The following ARID3A variants were observed in gnomAD, a reference collection of about 807,000 sequenced individuals.
ARID3A encodes AT-rich interactive domain-containing protein 3A.
In ARID3A, 11 loss-of-function variants were observed where a neutral mutation model predicts 52.7. That is an observed-to-expected ratio of 0.21 (90% CI 0.13 to 0.35). The LOEUF is 0.35. Ranked by LOEUF, ARID3A falls within the 10% of genes least tolerant of loss-of-function variation. ARID3A has a pLI of 1.00. For synonymous variants in ARID3A, 404 were observed against 359.4 expected, an observed-to-expected ratio of 1.12 and a Z score of -1.40; for missense variants, 721 against 838.5, an observed-to-expected ratio of 0.86 and a Z score of 1.73.
At position 975,479 on chromosome 19, in the gene ARID3A, T is replaced by C. The variant is rs2038360512; in HGVS notation, c.*3414T>C. 1 of 226,232 alleles carries C rather than the reference T, an allele frequency of 4.4e-6. No homozygotes were observed. 14.0% of individuals were successfully genotyped at this position (226,232 alleles called of 1,614,324 possible). A position where few individuals can be genotyped will look rare whatever the true frequency, so the allele number is the denominator to read the frequency against. On this transcript the variant is annotated 3_prime_UTR_variant, in exon 9 of 9. Transcript: ENST00000263620. ...TTTTTTCCCCAATTGTGCTTTTGCA[T>C]TTTTTTCCTTGGCAAATGTAAACTC...
At chr19:969,666 CATAGAT>C (rs1272468035) in intron 8 of ARID3A, among the ~76,000 whole-genome samples, 3 of 9,352 alleles carry the variant, frequency 3.2e-4, no homozygotes, top group East Asian at 4.0e-3. Context: ...TCTATATCTA[CATAGAT>C]ATATATATAT....
At position 944,425 on chromosome 19, in the gene ARID3A, C is replaced by T. The variant is rs542926336; in HGVS notation, c.693+11683C>T. ...GAGTGTCGGTGGGGGCGGTCCCACA[C>T]GGCCATGGTTTGTGTCTGCCACGGC... is the stretch of plus-strand genomic sequence containing the variant. On this transcript the variant is annotated intron_variant, in intron 3 of 8. Transcript: ENST00000263620. The surrounding 1 kb of genome is among the most constrained non-coding windows in gnomAD (Gnocchi z 5.9). Among the ~76,000 whole-genome samples, 1 of 152,114 alleles carries T rather than the reference C, an allele frequency of 6.6e-6. No individual in the cohort carries two copies. The highest frequency in any genetic ancestry group is 1.9e-4 in the East Asian group (1 of 5,178).
intron 4 of ARID3A, among the ~76,000 whole-genome samples, chr19:961,336 A>G: frequency 6.6e-6 from 1 of 152,040 alleles, no homozygotes; most frequent in Non-Finnish European, 1.5e-5. Flanking sequence ...CCTGGCCCAC[A>G]CTGCCCAGCG....
chr19:968,555 T>C, intron 8 of ARID3A, 52 bp downstream of exon 8: 1 of 1,564,152 alleles, frequency 6.4e-7, no homozygotes, highest in African/African-American at 1.4e-5. Flanking sequence ...CCCGCCGCCG[T>C]GAACTCAGGA....
chr19:971,121 G>A (rs1392755588), intron 8 of ARID3A, among the ~76,000 whole-genome samples: 1 of 152,216 alleles, frequency 6.6e-6, no homozygotes, highest in Non-Finnish European at 1.5e-5. Context: ...AAACACACGT[G>A]TGTGCTCACG....
At chr19:958,427 CAAAAAAAA>C (rs35996712) in intron 3 of ARID3A, among the ~76,000 whole-genome samples, 2 of 85,940 alleles carry the variant, frequency 2.3e-5, no homozygotes, top group East Asian at 3.1e-4. Flanking sequence ...GACTCCATCT[CAAAAAAAA>C]AAAAAAAAAA....
intron 3 of ARID3A, among the ~76,000 whole-genome samples, chr19:949,741 A>G (rs556597378): frequency 2.0e-4 from 29 of 144,296 alleles, no homozygotes; most frequent in African/African-American, 7.0e-4. Context: ...CAGTGGTGCG[A>G]TCTGAGCTCA....
At chr19:966,889 C>A in intron 7 of ARID3A, 21 bp downstream of exon 7, 1 of 1,583,482 alleles carries the variant, frequency 6.3e-7, no homozygotes, top group Non-Finnish European at 8.6e-7. Flanking sequence ...CGTGCCCAGA[C>A]CCGCTGTGCT....
At chr19:954,829 G>A (rs1259039983) in intron 3 of ARID3A, among the ~76,000 whole-genome samples, 1 of 152,088 alleles carries the variant, frequency 6.6e-6, no homozygotes, top group Non-Finnish European at 1.5e-5. Context: ...GGGCTGATGG[G>A]GGGCGGTGGG....
chr19:946,500 T>G (rs10406843), intron 3 of ARID3A, among the ~76,000 whole-genome samples: 24,228 of 128,192 alleles, frequency 0.19, 2,470 homozygotes, highest in East Asian at 0.29. Context: ...GAGTGCGGTG[T>G]CGCGGTCTTG....
Position 973,835 on chromosome 19 carries a change from G to C in ARID3A, c.*1770G>C, listed in dbSNP as rs1568378858. 4.4e-6 allele frequency: 1 copy of C among 229,598 alleles called. No homozygotes were observed. The highest frequency in any genetic ancestry group is 8.6e-6 in the Non-Finnish European group (1 of 115,836). The allele number at this position is 229,598 out of a possible 1,614,324, so 14.2% of individuals were successfully genotyped here. ...AAAGTGGGGTCACCGCAGCTGAGCT[G>C]GGGGGTTATTTTGGCTGGAGCTGCT... is the stretch of plus-strand genomic sequence containing the variant. On this transcript the variant is annotated 3_prime_UTR_variant, in exon 9 of 9. Coordinates refer to ENST00000263620, the MANE Select transcript of ARID3A (RefSeq NM_005224.3).
intron 8 of ARID3A, among the ~76,000 whole-genome samples, chr19:970,456 A>AC (rs1260000422): frequency 6.9e-6 from 1 of 145,918 alleles, no homozygotes; most frequent in East Asian, 2.0e-4. Context: ...AACACAGAAG[A>AC]CCCCATCTCT....
In ARID3A at chr19:942,777, C is replaced by T. The variant is rs1201728473; in HGVS notation, c.693+10035C>T. ...CCCAGATTCCATGCCCAGCAGCCTC[C>T]TCTGCCACCCTCAGAGACGGAGAAC... On this transcript the variant is annotated intron_variant, in intron 3 of 8. Coordinates refer to ENST00000263620, the MANE Select transcript of ARID3A (RefSeq NM_005224.3). The surrounding 1 kb of genome is among the most constrained non-coding windows in gnomAD (Gnocchi z 8.1). Among the ~76,000 whole-genome samples, 2 of 152,230 alleles carry T rather than the reference C, an allele frequency of 1.3e-5. No individual in the cohort carries two copies. The highest frequency in any genetic ancestry group is 4.8e-5 in the African/African-American group (2 of 41,466).
chr19:940,214 G>A (rs1599392992), intron 3 of ARID3A, among the ~76,000 whole-genome samples: 2 of 152,218 alleles, frequency 1.3e-5, no homozygotes, highest in Middle Eastern at 3.4e-3. Flanking sequence ...CCAACTTTTT[G>A]GCTTCCCTGG....
chr19:966,138 G>A (rs1275534825), intron 6 of ARID3A, among the ~76,000 whole-genome samples: 1 of 149,720 alleles, frequency 6.7e-6, no homozygotes, highest in Non-Finnish European at 1.5e-5. Flanking sequence ...TCCAGCCTAA[G>A]CAACAGAGCG....
chr19:950,852 C>T (rs2037790302), intron 3 of ARID3A, among the ~76,000 whole-genome samples: 2 of 151,572 alleles, frequency 1.3e-5, no homozygotes, highest in Non-Finnish European at 2.9e-5. Flanking sequence ...GGTGGAGTTT[C>T]ACTCTTGTTT....
chr19:956,230 C>T (rs917905160), intron 3 of ARID3A, among the ~76,000 whole-genome samples: 4 of 152,202 alleles, frequency 2.6e-5, no homozygotes, highest in Admixed American at 2.6e-4. Flanking sequence ...AGGCGTTTCC[C>T]TGGCAAGCTC....
At chr19:940,596 C>G (rs1282672320) in intron 3 of ARID3A, among the ~76,000 whole-genome samples, 2 of 152,142 alleles carry the variant, frequency 1.3e-5, no homozygotes, top group Non-Finnish European at 2.9e-5. Context: ...GGAGAATTTT[C>G]CCAGCACAGG....
chr19:969,839 T>C (rs1207098853), intron 8 of ARID3A, among the ~76,000 whole-genome samples: 1,854 of 151,024 alleles, frequency 0.012, 42 homozygotes, highest in African/African-American at 0.042. Context: ...CAGGCGTGTG[T>C]CACCACACCC....
Sources: allele counts gnomAD v4.1 joint callset (sites outside exome capture counted in the v4.1 genomes callset), GRCh38; gene constraint gnomAD v4.1.1; non-coding constraint Gnocchi (gnomAD v3.1); transcripts MANE v1.5; gene names NCBI Gene and HGNC (gene_info 2026-07-23, HGNC 2026-07-21).